Variants in WNK3 observed in about 807,000 individuals in gnomAD.
WNK3 encodes the protein serine/threonine-protein kinase WNK3.
WNK3 carries 18 observed loss-of-function variants against 116.7 expected under a neutral mutation model. The ratio of observed to expected loss-of-function variants is 0.15; its 90% CI spans 0.11 to 0.23. The LOEUF is 0.23. Ranked by LOEUF, WNK3 falls within the 10% of genes least tolerant of loss-of-function variation. The probability of loss-of-function intolerance (pLI) is 1.00; values close to 1 mark genes in which losing one functional copy is unlikely to be tolerated. For missense variants in WNK3, 993 were observed against 1,323.8 expected (o/e 0.75, Z 3.88); for synonymous variants, 404 against 469.4 (o/e 0.86, Z 1.80).
intron 21 of WNK3, among the ~76,000 whole-genome samples, chrX:54,229,061 A>G (rs544061351): frequency 6.3e-5 from 7 of 111,867 alleles, no homozygotes; most frequent in African/African-American, 2.3e-4. Context: ...AAGAATCTAT[A>G]AGAAAACTTC....
chrX:54,301,704 C>T (rs1325315276), intron 6 of WNK3, 67 bp downstream of exon 6: 30 of 991,663 alleles, frequency 3.0e-5, no homozygotes, highest in African/African-American at 5.7e-5. Flanking sequence ...GGTCAGAAAA[C>T]GACCCAATGC....
chrX:54,326,901 G>T (rs2069112455), intron 2 of WNK3, among the ~76,000 whole-genome samples: 1 of 110,346 alleles, frequency 9.1e-6, no homozygotes, highest in Non-Finnish European at 1.9e-5. Flanking sequence ...CAGAAGAATT[G>T]CTTGAACCCA....
chrX:54,235,628 T>C (rs1038292530), intron 20 of WNK3, among the ~76,000 whole-genome samples: 1 of 111,651 alleles, frequency 9.0e-6, no homozygotes. Context: ...TCCCTGGTTC[T>C]CCCTGCTTTA....
At chrX:54,230,466 TTATA>T (rs1396643271) in intron 21 of WNK3, among the ~76,000 whole-genome samples, 2 of 111,850 alleles carry the variant, frequency 1.8e-5, no homozygotes, top group African/African-American at 6.5e-5. Context: ...AATAACCACT[TTATA>T]TCATCAAATA....
chrX:54,304,979 A>AT (rs1557168332), intron 5 of WNK3, among the ~76,000 whole-genome samples: 153 of 108,974 alleles, frequency 1.4e-3, no homozygotes, highest in African/African-American at 4.2e-3. Context: ...TTTATTAAAA[A>AT]AATATATATA....
chrX:54,258,799 A>C (rs2068225219), intron 11 of WNK3, among the ~76,000 whole-genome samples: 1 of 109,693 alleles, frequency 9.1e-6, no homozygotes, highest in Admixed American at 9.8e-5. Flanking sequence ...AAAAAAAAAC[A>C]CCTCACTGAA....
intron 20 of WNK3, 112 bp downstream of exon 20, chrX:54,236,826 G>A (rs2067966309): frequency 2.2e-6 from 2 of 894,115 alleles, no homozygotes; most frequent in African/African-American, 4.0e-5. Flanking sequence ...AGCATTCTTT[G>A]TAGTTTTCAA....
intron 2 of WNK3, among the ~76,000 whole-genome samples, chrX:54,330,682 C>T (rs1434139974): frequency 2.7e-5 from 3 of 112,285 alleles, no homozygotes; most frequent in Non-Finnish European, 5.6e-5. Context: ...CAGTGGCTGA[C>T]GCCTGTAATC....
intron 17 of WNK3, among the ~76,000 whole-genome samples, chrX:54,246,911 T>A (rs1464460064): frequency 3.6e-5 from 4 of 111,154 alleles, no homozygotes; most frequent in Non-Finnish European, 7.6e-5. Flanking sequence ...AAATGAATGA[T>A]AAACAACTGA....
chrX:54,229,756 A>G (rs925574408), intron 21 of WNK3, among the ~76,000 whole-genome samples: 1 of 111,325 alleles, frequency 9.0e-6, no homozygotes, highest in African/African-American at 3.3e-5. Context: ...AAAAAGGTAC[A>G]AAAGCTATTC....
chrX:54,198,727 ATTC>A lies in WNK3; in HGVS notation c.5074-77_5074-75del, dbSNP rs1179257552. On this transcript the variant is annotated intron_variant, in intron 23 of 23. Transcript: ENST00000354646. ...CTTTTATCAGTCTATATTCCTTCCT[ATTC>A]TTTTTTTTTCTATTGCTGCTGCACA... is the stretch of plus-strand genomic sequence containing the variant. The A allele has an allele frequency of 2.5e-5, 20 of 796,348 alleles. No individual in the cohort carries two copies. In the African/African-American group the frequency reaches 4.1e-4, roughly 16 times the overall value. The allele number at this position is 796,348 out of a possible 1,213,427, so 65.6% of individuals were successfully genotyped here.
At chrX:54,218,057 T>C (rs939422898) in intron 22 of WNK3, among the ~76,000 whole-genome samples, 19 of 111,708 alleles carry the variant, frequency 1.7e-4, no homozygotes, top group African/African-American at 5.8e-4. Flanking sequence ...AGACAAAGCT[T>C]TTATATCAGC....
intron 22 of WNK3, among the ~76,000 whole-genome samples, chrX:54,211,696 C>T (rs2067615900): frequency 9.2e-6 from 1 of 109,072 alleles, no homozygotes; most frequent in South Asian, 4.0e-4. Flanking sequence ...CCCAGCTACT[C>T]GGAAGGCTGA....
chrX:54,239,453 T>G (rs1557151107), intron 17 of WNK3, among the ~76,000 whole-genome samples: 1 of 111,136 alleles, frequency 9.0e-6, no homozygotes. Flanking sequence ...TAAAATTTCC[T>G]TCATATGTGC....
intron 1 of WNK3, among the ~76,000 whole-genome samples, chrX:54,335,113 A>C (rs1198463540): frequency 9.1e-6 from 1 of 109,697 alleles, no homozygotes; most frequent in African/African-American, 3.3e-5. Context: ...AATACAAAAA[A>C]ATTTAGCAGG....
intron 23 of WNK3, among the ~76,000 whole-genome samples, chrX:54,200,149 C>T (rs782651253): frequency 3.6e-5 from 4 of 112,248 alleles, no homozygotes; most frequent in South Asian, 3.7e-4. Context: ...TCAAATTTCC[C>T]GTATTATAGC....
At chrX:54,293,082 T>A (rs781934891) in intron 9 of WNK3, 45 bp from the exon 10 acceptor site, 1 of 1,190,508 alleles carries the variant, frequency 8.4e-7, no homozygotes, top group Non-Finnish European at 1.1e-6. Context: ...AACTTTCCCA[T>A]TTACAGTAAA....
At chrX:54,253,081 G>C (rs1226146019) in intron 13 of WNK3, among the ~76,000 whole-genome samples, 4 of 109,196 alleles carry the variant, frequency 3.7e-5, no homozygotes, top group Non-Finnish European at 7.6e-5. Flanking sequence ...TACAAGGGGA[G>C]GGATACCCCA....
intron 2 of WNK3, among the ~76,000 whole-genome samples, chrX:54,311,807 C>T (rs2068890221): frequency 1.8e-5 from 2 of 111,635 alleles, no homozygotes; most frequent in Admixed American, 9.6e-5. Flanking sequence ...TAATCTGCTA[C>T]ATTAACTGCT....
Sources: allele counts gnomAD v4.1 joint callset (sites outside exome capture counted in the v4.1 genomes callset), GRCh38; gene constraint gnomAD v4.1.1; transcripts MANE v1.5; gene names NCBI Gene and HGNC (gene_info 2026-07-23, HGNC 2026-07-21).